The following CLEC12A variants were observed in gnomAD, a reference collection of about 807,000 sequenced individuals.
CLEC12A encodes the protein C-type lectin protein CLL-1.
In CLEC12A, 22 loss-of-function variants were observed where a neutral mutation model predicts 26.5. The ratio of observed to expected loss-of-function variants is 0.83; its 90% CI spans 0.59 to 1.19. CLEC12A has a LOEUF of 1.19. Among genes scored for constraint, CLEC12A ranks in the 50% most tolerant of loss-of-function variants. The pLI is 0.00. For missense variants in CLEC12A, 353 were observed against 315.6 expected (o/e 1.12, Z -0.90); for synonymous variants, 119 against 101.9 (o/e 1.17, Z -1.01).
chr12:9,981,908 T>C, intron 4 of CLEC12A, 112 bp from the exon 5 acceptor site: 2 of 564,088 alleles, frequency 3.5e-6, no homozygotes, highest in East Asian at 3.1e-5. Context: ...ATAGTAGTAG[T>C]GCAATGTCCA....
chr12:9,971,494 A>G lies in CLEC12A; in HGVS notation c.-103A>G. On this transcript the variant is annotated 5_prime_UTR_variant, in exon 1 of 6. Transcript: ENST00000304361. ...TGTAAGCTTAAGCTTCCGTTTATAA[A>G]CAGAAGTTTAAAATTATAGGTCCTG... is the stretch of plus-strand genomic sequence containing the variant. 6.8e-7 allele frequency: 1 copy of G among 1,469,722 alleles called. No individual in the cohort carries two copies. The highest frequency in any genetic ancestry group is 9.0e-7 in the Non-Finnish European group (1 of 1,114,264). The allele number at this position is 1,469,722 out of a possible 1,614,324, so 91.0% of individuals were successfully genotyped here. A position where few individuals can be genotyped will look rare whatever the true frequency, so the allele number is the denominator to read the frequency against.
chr12:9,966,176 G>A (rs1426284522), intron 1 of CLEC12A, among the ~76,000 whole-genome samples: 1 of 152,196 alleles, frequency 6.6e-6, no homozygotes, highest in Admixed American at 6.5e-5. Context: ...CAGTTATGAA[G>A]GCAAGGGAAA....
At position 9,979,331 on chromosome 12, in the gene CLEC12A, T is replaced by A; in HGVS notation, c.191-5T>A. 6.4e-7 allele frequency: 1 copy of A among 1,568,992 alleles called. No homozygotes were observed. Among genetic ancestry groups the A allele is most frequent in the Non-Finnish European group, 8.7e-7 (1 of 1,152,538 alleles). On this transcript the variant is annotated splice_polypyrimidine_tract_variant and splice_region_variant and intron_variant, in intron 2 of 5. Transcript: ENST00000304361. Reference sequence around the variant, plus strand: ...ACAATTTTTTGTCATTTTTTTAATGTGGAGTTCACGTAACTTTGAAGATAG... The same window carrying A: ...ACAATTTTTTGTCATTTTTTTAATGAGGAGTTCACGTAACTTTGAAGATAG...
At chr12:10,001,896 T>C in the CLEC12A span, among the ~76,000 whole-genome samples, 1 of 151,648 alleles carries the variant, frequency 6.6e-6, no homozygotes, top group African/African-American at 2.4e-5. Context: ...TTTTTTTTTT[T>C]TGAGACTGAG....
upstream of CLEC12A, among the ~76,000 whole-genome samples, chr12:9,969,692 G>T (rs557248536): frequency 6.6e-6 from 1 of 152,276 alleles, no homozygotes; most frequent in South Asian, 2.1e-4. Flanking sequence ...TGCCTGTGTG[G>T]TGGCCGGTTT....
upstream of CLEC12A, among the ~76,000 whole-genome samples, chr12:9,968,768 A>G (rs1365813561): frequency 6.6e-6 from 1 of 152,206 alleles, no homozygotes; most frequent in African/African-American, 2.4e-5. Context: ...GACATCTGTA[A>G]TTATATTTGC....
At chr12:9,951,617 A>G (rs1863610799) in intron 1 of CLEC12A, 6 of 486,686 alleles carry the variant, frequency 1.2e-5, no homozygotes, top group East Asian at 7.2e-5. Context: ...TGCAGATTGA[A>G]CTAGCCCAAC....
At chr12:9,986,367 G>A (rs1471565261), downstream of CLEC12A, among the ~76,000 whole-genome samples, 2 of 146,448 alleles carry the variant, frequency 1.4e-5, no homozygotes, top group Non-Finnish European at 1.5e-5. Context: ...AAAAAGATTA[G>A]GACTGAAATT....
chr12:9,966,248 G>A (rs1290238749), intron 1 of CLEC12A, among the ~76,000 whole-genome samples: 3 of 152,116 alleles, frequency 2.0e-5, no homozygotes, highest in African/African-American at 4.8e-5. Context: ...AGAAGGGGAC[G>A]GGCTTACCCT....
chr12:9,993,203 G>GT (rs1400436277), intron 4 of CLEC12A: 33 of 1,612,758 alleles, frequency 2.0e-5, no homozygotes, highest in Non-Finnish European at 2.6e-5. Context: ...AATAATGTTT[G>GT]TTCTCACAGA....
chr12:9,977,426 A>G (rs975119760), intron 1 of CLEC12A, among the ~76,000 whole-genome samples: 1 of 152,218 alleles, frequency 6.6e-6, no homozygotes, highest in Non-Finnish European at 1.5e-5. Flanking sequence ...TATTTTAAAA[A>G]CAAAACAAAA....
chr12:9,956,521 A>G (rs1251071689), intron 1 of CLEC12A, among the ~76,000 whole-genome samples: 2 of 152,194 alleles, frequency 1.3e-5, no homozygotes, highest in African/African-American at 4.8e-5. Context: ...GAAAAGAGGA[A>G]TTCACCCAAT....
At chr12:10,005,676 A>G in the CLEC12A span, among the ~76,000 whole-genome samples, 1 of 152,216 alleles carries the variant, frequency 6.6e-6, no homozygotes, top group Non-Finnish European at 1.5e-5. Flanking sequence ...TAATTGGGAT[A>G]TTTTATTATG....
chr12:9,986,999 T>A (rs904426027), downstream of CLEC12A, among the ~76,000 whole-genome samples: 1 of 152,206 alleles, frequency 6.6e-6, no homozygotes, highest in African/African-American at 2.4e-5. Context: ...ATGACTATAC[T>A]GTCATAAAAT....
chr12:9,986,483 C>A (rs574097), downstream of CLEC12A, among the ~76,000 whole-genome samples: 89,226 of 146,808 alleles, frequency 0.61, 27,175 homozygotes, highest in East Asian at 0.9. Flanking sequence ...AATAAGTTTT[C>A]GGCTTATTAT....
chr12:9,978,817 T>G (rs1009279483), intron 1 of CLEC12A, 149 bp from the exon 2 acceptor site: 14 of 608,274 alleles, frequency 2.3e-5, no homozygotes, highest in Admixed American at 1.2e-4. Flanking sequence ...AAATATTTTT[T>G]GAATATTCTT....
intron 4 of CLEC12A, among the ~76,000 whole-genome samples, chr12:9,994,806 C>CAAA (rs1180363463): frequency 6.7e-6 from 1 of 149,656 alleles, no homozygotes; most frequent in Non-Finnish European, 1.5e-5. Flanking sequence ...AAGCAAAACA[C>CAAA]AAAAACACAC....
chr12:9,966,919 C>G (rs1198603612), upstream of CLEC12A, among the ~76,000 whole-genome samples: 1 of 134,174 alleles, frequency 7.5e-6, no homozygotes, highest in Non-Finnish European at 1.6e-5. Context: ...TGAAAAAGAG[C>G]CTAAACGCTA....
intron 1 of CLEC12A, among the ~76,000 whole-genome samples, chr12:9,976,132 A>C (rs1448385161): frequency 6.6e-6 from 1 of 152,214 alleles, no homozygotes; most frequent in Non-Finnish European, 1.5e-5. Flanking sequence ...GCAGAAGGGA[A>C]ATGTGAGGTC....
Sources: gnomAD v4.1 joint callset for allele counts (sites outside exome capture counted in the v4.1 genomes callset) on GRCh38, gnomAD v4.1.1 for gene constraint, MANE v1.5 for transcripts, NCBI Gene and HGNC (gene_info 2026-07-23, HGNC 2026-07-21) for gene names.